Variants in COBLL1 observed in about 807,000 individuals in gnomAD.
The protein encoded by COBLL1 is cordon-bleu protein-like 1.
In COBLL1, 50 loss-of-function variants were observed where a neutral mutation model predicts 94.8. The ratio of observed to expected loss-of-function variants is 0.53; its 90% CI spans 0.42 to 0.67. The LOEUF (loss-of-function observed/expected upper bound fraction) is 0.67, where lower values mean the gene tolerates loss of function less well. COBLL1 is among the 30% of genes least tolerant of loss of function. The pLI is 0.00. For synonymous variants in COBLL1, 448 were observed against 473.8 expected (o/e 0.95, Z 0.71); for missense variants, 1,362 against 1,348.7 (o/e 1.01, Z -0.15).
At chr2:164,718,259 G>T (rs1158504031) in intron 7 of COBLL1, 1 of 984,526 alleles carries the variant, frequency 1.0e-6, no homozygotes, top group Non-Finnish European at 1.2e-6. Context: ...GTGGGGAAAA[G>T]AAAAAGGTAA....
intron 2 of COBLL1, among the ~76,000 whole-genome samples, chr2:164,819,181 T>C (rs893946972): frequency 2.0e-5 from 3 of 151,902 alleles, no homozygotes; most frequent in East Asian, 3.8e-4. Flanking sequence ...ATTGTCTCTA[T>C]AATAATAATC....
chr2:164,771,014 T>C (rs1208267781), intron 2 of COBLL1, among the ~76,000 whole-genome samples: 1 of 152,100 alleles, frequency 6.6e-6, no homozygotes, highest in Non-Finnish European at 1.5e-5. Context: ...TTATGTTCTA[T>C]ATATTGTCCT....
At chr2:164,735,411 T>A (rs1360669205) in intron 3 of COBLL1, among the ~76,000 whole-genome samples, 1 of 152,174 alleles carries the variant, frequency 6.6e-6, no homozygotes, top group Non-Finnish European at 1.5e-5. Context: ...TAAATAGGGT[T>A]AAGATCTTTT....
intron 2 of COBLL1, among the ~76,000 whole-genome samples, chr2:164,836,025 A>C (rs1266381161): frequency 6.6e-6 from 1 of 152,160 alleles, no homozygotes; most frequent in Non-Finnish European, 1.5e-5. Flanking sequence ...GCGTTTCAGT[A>C]CAAATATAAG....
intron 10 of COBLL1, among the ~76,000 whole-genome samples, chr2:164,700,087 T>C (rs2105443187): frequency 6.6e-6 from 1 of 152,246 alleles, no homozygotes; most frequent in South Asian, 2.1e-4. Flanking sequence ...CATTCTCTGT[T>C]TCATAAAGTT....
In COBLL1 at chr2:164,704,935, T is replaced by C; in HGVS notation, c.1150+17A>G. 2 of 1,549,400 alleles carry C rather than the reference T, an allele frequency of 1.3e-6. No individual in the cohort carries two copies. The highest frequency in any genetic ancestry group is 1.7e-6 in the Non-Finnish European group (2 of 1,150,008). ...AAACACAATACAAATGTAATGTTAATGAAACAACCACATTACCAGTCACAC... is the reference window on the plus strand; with the variant it reads ...AAACACAATACAAATGTAATGTTAACGAAACAACCACATTACCAGTCACAC... On this transcript the variant is annotated intron_variant, in intron 8 of 13. Transcript: ENST00000652658.
chr2:164,690,467 G>A (rs557544693), intron 13 of COBLL1, among the ~76,000 whole-genome samples: 1 of 152,254 alleles, frequency 6.6e-6, no homozygotes, highest in East Asian at 1.9e-4. Flanking sequence ...CATTCTAGAA[G>A]CAATGAGAGT....
chr2:164,786,146 C>G (rs1040906016), intron 2 of COBLL1, among the ~76,000 whole-genome samples: 1 of 152,124 alleles, frequency 6.6e-6, no homozygotes, highest in Non-Finnish European at 1.5e-5. Context: ...TATTTTCATA[C>G]GTGGATCAAA....
In COBLL1 at chr2:164,728,112, G is replaced by T. The variant is rs1409944432; in HGVS notation, c.518C>A (p.Ala173Asp). The change falls in exon 5 of 14, where the codon GCC becomes GAC. Residue 173 changes from alanine to aspartate, a missense_variant. By Grantham distance (126) the Ala-to-Asp change is moderately radical. Transcript: ENST00000652658. ...CTCACATTTGCTACATATAATAGGG[G>T]CAAGCTCTTGAAGCGATGCATGTGG... is the stretch of plus-strand genomic sequence containing the variant. ...VSPHASLQEL[A>D]PIICSKCEFD... 6.2e-7 allele frequency: 1 copy of T among 1,613,650 alleles called. No homozygotes were observed. The highest frequency in any genetic ancestry group is 8.5e-7 in the Non-Finnish European group (1 of 1,179,628).
At chr2:164,692,889 G>C (rs1235922756) in intron 12 of COBLL1, among the ~76,000 whole-genome samples, 1 of 152,128 alleles carries the variant, frequency 6.6e-6, no homozygotes, top group Admixed American at 6.6e-5. Context: ...TAATTACTAT[G>C]CTACACTTAG....
At position 164,785,683 on chromosome 2, in the gene COBLL1, C is replaced by A. The variant is rs1280615364; in HGVS notation, c.42-41808G>T. 1.1e-4 allele frequency among the ~76,000 whole-genome samples: 16 copies of A among 151,676 alleles called. No homozygotes were observed. The East Asian group carries it at 3.1e-3, about 29-fold the overall frequency. ...TGTAGCTGAGTACTTGCTATGGCAA[C>A]AAAAATAAACTTTATACCAATATTC... On this transcript the variant is annotated intron_variant, in intron 2 of 13. Coordinates refer to ENST00000652658, the MANE Select transcript of COBLL1 (RefSeq NM_001365672.2).
intron 5 of COBLL1, chr2:164,724,564 G>T (rs1015894696): frequency 3.3e-5 from 5 of 152,046 alleles, no homozygotes; most frequent in African/African-American, 1.2e-4. Flanking sequence ...AATGAGTGGT[G>T]ATCTGTAAAA....
At position 164,705,849 on chromosome 2, in the gene COBLL1, C is replaced by T. The variant is rs140785452; in HGVS notation, c.997-744G>A. Among the ~76,000 whole-genome samples the T allele has an allele frequency of 9.4e-3, 1,423 of 152,192 alleles. 7 individuals carry two copies. The highest frequency in any genetic ancestry group is 0.015 in the Non-Finnish European group (1,051 of 68,012). ...AAGAGTTCGAGACCAGCCTGGCCAA[C>T]GTAGTGAAAGCCCGTCTCTACTAAA... On this transcript the variant is annotated intron_variant, in intron 7 of 13. Coordinates refer to ENST00000652658, the MANE Select transcript of COBLL1 (RefSeq NM_001365672.2).
intron 9 of COBLL1, among the ~76,000 whole-genome samples, chr2:164,702,290 G>A (rs1199687320): frequency 3.3e-5 from 5 of 152,076 alleles, no homozygotes; most frequent in South Asian, 2.1e-4. Flanking sequence ...TAGGCTGGGC[G>A]TGGTGGCTCA....
chr2:164,810,409 GC>G (rs1239142121), intron 2 of COBLL1, among the ~76,000 whole-genome samples: 2 of 151,282 alleles, frequency 1.3e-5, no homozygotes, highest in Non-Finnish European at 3.0e-5. Flanking sequence ...ATAAGTATAT[GC>G]CATATAAAAA....
chr2:164,810,323 T>C (rs1684402001), intron 2 of COBLL1, among the ~76,000 whole-genome samples: 1 of 151,582 alleles, frequency 6.6e-6, no homozygotes, highest in African/African-American at 2.4e-5. Context: ...ATACAGATTT[T>C]ATATTTATCA....
intron 2 of COBLL1, among the ~76,000 whole-genome samples, chr2:164,760,050 A>T (rs1687605582): frequency 6.6e-6 from 1 of 152,200 alleles, no homozygotes; most frequent in African/African-American, 2.4e-5. Flanking sequence ...ACTCCTAGGT[A>T]TTTGCACAAG....
intron 2 of COBLL1, among the ~76,000 whole-genome samples, chr2:164,746,761 T>G (rs1038773485): frequency 4.6e-5 from 7 of 151,940 alleles, no homozygotes; most frequent in African/African-American, 1.7e-4. Context: ...GCCTCTCCAG[T>G]CCCCTATCTA....
In COBLL1 at chr2:164,694,711, G is replaced by A. The variant is rs1558925506; in HGVS notation, c.2681C>T (p.Pro894Leu). ...TTTATTTGTCAGTTCTTTTGGAGCA[G>A]GATTAGGGGCAGCATGGACACTCTT... ...AAKSVHAAPN[P>L]APKELTNKEA... Residue 894 changes from proline to leucine, a missense_variant, in exon 12 of 14, where the codon CCT becomes CTT. Transcript: ENST00000652658. 4 of 1,613,878 alleles carry A rather than the reference G, an allele frequency of 2.5e-6. No individual in the cohort carries two copies. Among genetic ancestry groups the A allele is most frequent in the Non-Finnish European group, 3.4e-6 (4 of 1,179,964 alleles).
Sources: allele counts gnomAD v4.1 joint callset (sites outside exome capture counted in the v4.1 genomes callset), GRCh38; gene constraint gnomAD v4.1.1; transcripts MANE v1.5; gene names NCBI Gene and HGNC (gene_info 2026-07-23, HGNC 2026-07-21).